PRKAR1B: variants seen among roughly 807,000 people sequenced by gnomAD.
PRKAR1B encodes cAMP-dependent protein kinase type I-beta regulatory subunit.
PRKAR1B carries 22 observed loss-of-function variants against 46.5 expected under a neutral mutation model. The ratio of observed to expected loss-of-function variants is 0.47; its 90% CI spans 0.34 to 0.68. The LOEUF is 0.68. Ranked by LOEUF, PRKAR1B falls within the 30% of genes least tolerant of loss-of-function variation. PRKAR1B has a pLI of 0.01. For missense variants in PRKAR1B, 445 were observed against 535.6 expected (o/e 0.83, Z 1.67); for synonymous variants, 259 against 217.7 (o/e 1.19, Z -1.67).
intron 2 of PRKAR1B, among the ~76,000 whole-genome samples, chr7:687,570 T>A (rs1427849765): frequency 6.6e-6 from 1 of 152,204 alleles, no homozygotes; most frequent in Non-Finnish European, 1.5e-5. Context: ...GAAGAGCATG[T>A]GGACTATGGC....
In PRKAR1B at chr7:685,383, T is replaced by TAG; in HGVS notation, c.178-4658_178-4657insCT. On this transcript the variant is annotated intron_variant, in intron 2 of 10. Transcript: ENST00000537384. ...ATATATACACATATATATATATACA[T>TAG]ACATATATATATATATATGTATATA... Among the ~76,000 whole-genome samples the TAG allele has an allele frequency of 1.1e-4, 2 of 18,980 alleles. 1 individual carries two copies. The highest frequency in any genetic ancestry group is 5.5e-3 in the South Asian group (2 of 362). 12.5% of individuals were successfully genotyped at this position (18,980 alleles called of 152,430 possible).
intron 2 of PRKAR1B, 78 bp downstream of exon 2, chr7:711,251 G>C: frequency 1.3e-6 from 2 of 1,559,582 alleles, no homozygotes; most frequent in South Asian, 2.4e-5. Context: ...CCACGGGACA[G>C]AGGGAAGGCT....
intron 4 of PRKAR1B, among the ~76,000 whole-genome samples, chr7:663,052 C>A (rs1284919587): frequency 6.6e-6 from 1 of 151,486 alleles, no homozygotes; most frequent in East Asian, 1.9e-4. Flanking sequence ...AACTTAGTCC[C>A]CCCTCTTCTT....
At chr7:627,203 T>C (rs1006790664) in intron 4 of PRKAR1B, among the ~76,000 whole-genome samples, 2 of 151,988 alleles carry the variant, frequency 1.3e-5, no homozygotes, top group Admixed American at 1.3e-4. Flanking sequence ...TTGCCCAGGC[T>C]GGTCTCAAAC....
intron 4 of PRKAR1B, among the ~76,000 whole-genome samples, chr7:612,276 A>G (rs1782558770): frequency 6.8e-6 from 1 of 146,962 alleles, no homozygotes; most frequent in Non-Finnish European, 1.5e-5. Flanking sequence ...GGATGGATGG[A>G]TGGATAGATG....
chr7:585,541 G>C (rs1315110639), intron 7 of PRKAR1B, among the ~76,000 whole-genome samples: 6 of 152,160 alleles, frequency 3.9e-5, no homozygotes, highest in Admixed American at 2.0e-4. Context: ...CAGACCGAGA[G>C]ACGACATGCT....
At chr7:572,821 C>T (rs910323546) in intron 9 of PRKAR1B, among the ~76,000 whole-genome samples, 22 of 152,188 alleles carry the variant, frequency 1.4e-4, no homozygotes, top group Non-Finnish European at 2.6e-4. Flanking sequence ...AGGGCATCTG[C>T]GACCCACCAA....
rs779132910 is a variant in PRKAR1B, at chr7:677,298, G to C, written c.371C>G (p.Thr124Ser). The C allele has an allele frequency of 2.5e-6, 4 of 1,614,254 alleles. No homozygotes were observed. The highest frequency in any genetic ancestry group is 3.4e-6 in the Non-Finnish European group (4 of 1,180,042). Residue 124 changes from threonine (T) to serine (S), a missense_variant, in exon 4 of 11, where the codon ACC becomes AGC. Thr to Ser is a moderately conservative substitution (Grantham distance 58). Coordinates refer to ENST00000537384, the MANE Select transcript of PRKAR1B (RefSeq NM_001164760.2). ...VRKVIPKDYK[T>S]MTALAKAISK... is the part of the protein sequence containing the mutation. ...GATGGCCTTGGCCAGCGCAGTCATG[G>C]TTTTGTAGTCCTTGGGAATCACCTG...
At chr7:576,255 G>A (rs13234837) in intron 9 of PRKAR1B, among the ~76,000 whole-genome samples, 3,960 of 152,246 alleles carry the variant, frequency 0.026, 73 homozygotes, top group East Asian at 0.11. Flanking sequence ...GTGCACGCTG[G>A]AATCACGGCT....
chr7:682,698 G>A (rs368841895), intron 2 of PRKAR1B, among the ~76,000 whole-genome samples: 8 of 151,814 alleles, frequency 5.3e-5, no homozygotes, highest in East Asian at 3.9e-4. Flanking sequence ...AGCCGAGATC[G>A]TGCCACTGCA....
intron 9 of PRKAR1B, among the ~76,000 whole-genome samples, chr7:570,991 G>A (rs1190921172): frequency 2.0e-5 from 3 of 152,200 alleles, no homozygotes; most frequent in African/African-American, 7.2e-5. Flanking sequence ...AGAGGACAGG[G>A]CGTGTCTGCG....
chr7:636,673 G>A (rs1364640683), intron 4 of PRKAR1B, among the ~76,000 whole-genome samples: 2 of 152,264 alleles, frequency 1.3e-5, no homozygotes, highest in Non-Finnish European at 2.9e-5. Context: ...TGTGAGGACA[G>A]CAGCTCAGAC....
intron 2 of PRKAR1B, among the ~76,000 whole-genome samples, chr7:705,602 C>T (rs115295038): frequency 0.01 from 1,525 of 152,282 alleles, 27 homozygotes; most frequent in African/African-American, 0.034. Context: ...TTTATAGCAG[C>T]TTTATTTGTA....
intron 2 of PRKAR1B, among the ~76,000 whole-genome samples, chr7:705,272 C>A (rs1432076583): frequency 6.7e-6 from 1 of 148,562 alleles, no homozygotes; most frequent in Non-Finnish European, 1.5e-5. Context: ...CATTGCCCTC[C>A]AGCCTGGGTG....
chr7:622,890 T>C (rs919757516), intron 4 of PRKAR1B, among the ~76,000 whole-genome samples: 1 of 151,840 alleles, frequency 6.6e-6, no homozygotes. Flanking sequence ...TCTGTCCTCC[T>C]TTAGAAGTGG....
intron 1 of PRKAR1B, among the ~76,000 whole-genome samples, chr7:719,738 A>G (rs1336744353): frequency 1.3e-5 from 2 of 152,076 alleles, no homozygotes; most frequent in Non-Finnish European, 2.9e-5. Context: ...CAGGTACTAT[A>G]CTGTACCAGC....
chr7:571,190 G>A (rs1249246110), intron 9 of PRKAR1B, among the ~76,000 whole-genome samples: 3 of 152,104 alleles, frequency 2.0e-5, no homozygotes, highest in African/African-American at 7.2e-5. Context: ...GCTTCAAAAT[G>A]TGGCACCGGC....
intron 4 of PRKAR1B, among the ~76,000 whole-genome samples, chr7:629,886 GGCC>G: frequency 2.9e-5 from 1 of 34,732 alleles, no homozygotes; most frequent in Non-Finnish European, 4.9e-5. Flanking sequence ...GCAGGAGCAG[GGCC>G]ACGGCCTCCC....
chr7:677,577 C>A (rs1778407089), intron 3 of PRKAR1B, among the ~76,000 whole-genome samples: 1 of 152,176 alleles, frequency 6.6e-6, no homozygotes, highest in South Asian at 2.1e-4. Flanking sequence ...CAGGTATGCA[C>A]CACCACACTT....
Sources: gnomAD v4.1 joint callset for allele counts (sites outside exome capture counted in the v4.1 genomes callset) on GRCh38, gnomAD v4.1.1 for gene constraint, MANE v1.5 for transcripts, NCBI Gene and HGNC (gene_info 2026-07-23, HGNC 2026-07-21) for gene names.